Variants in MACROD2 observed in about 807,000 individuals in gnomAD.
The protein encoded by MACROD2 is mono-ADP ribosylhydrolase 2.
MACROD2 carries 36 observed loss-of-function variants against 70.4 expected under a neutral mutation model. The ratio of observed to expected loss-of-function variants is 0.51; its 90% CI spans 0.39 to 0.68. The LOEUF is 0.68. MACROD2 is among the 30% of genes least tolerant of loss of function. The pLI is 0.00. For synonymous variants in MACROD2, 172 were observed against 178.8 expected (o/e 0.96, Z 0.30); for missense variants, 496 against 538.4 (o/e 0.92, Z 0.78).
chr20:15,046,387 CTTCCA>C (rs1267932345), intron 5 of MACROD2, among the ~76,000 whole-genome samples: 1 of 152,172 alleles, frequency 6.6e-6, no homozygotes, highest in Non-Finnish European at 1.5e-5. Context: ...CGCACATGTT[CTTCCA>C]TTACCGCAGA....
chr20:14,738,208 TA>T (rs1327928341), intron 5 of MACROD2, among the ~76,000 whole-genome samples: 1 of 152,082 alleles, frequency 6.6e-6, no homozygotes, highest in East Asian at 1.9e-4. Flanking sequence ...CAAACATTTA[TA>T]AAAGGCAAAA....
intron 5 of MACROD2, among the ~76,000 whole-genome samples, chr20:14,753,219 A>G (rs1399173439): frequency 6.6e-6 from 1 of 152,072 alleles, no homozygotes; most frequent in East Asian, 1.9e-4. Flanking sequence ...CACCATATAT[A>G]TCTTCTTTGC....
intron 7 of MACROD2, among the ~76,000 whole-genome samples, chr20:15,443,850 A>G (rs2046527182): frequency 6.6e-6 from 1 of 152,172 alleles, no homozygotes. Context: ...TACTGAGTCT[A>G]TGACACCCTG....
chr20:14,025,236 G>T (rs546204960), intron 2 of MACROD2, among the ~76,000 whole-genome samples: 2 of 152,022 alleles, frequency 1.3e-5, no homozygotes, highest in East Asian at 3.9e-4. Flanking sequence ...CATTTTTATT[G>T]TCTGTTTGAT....
chr20:14,917,444 A>G (rs528753836), intron 5 of MACROD2, among the ~76,000 whole-genome samples: 10 of 152,118 alleles, frequency 6.6e-5, no homozygotes, highest in African/African-American at 2.4e-4. Context: ...GGCATCCCCT[A>G]TGAAGCAATG....
intron 3 of MACROD2, among the ~76,000 whole-genome samples, chr20:14,460,198 G>T (rs543152281): frequency 6.6e-6 from 1 of 152,214 alleles, no homozygotes; most frequent in East Asian, 1.9e-4. Flanking sequence ...GTGTGCATGT[G>T]TCTTTATAGT....
chr20:15,623,712 C>CTATG (rs1467155228), intron 8 of MACROD2, among the ~76,000 whole-genome samples: 1 of 151,948 alleles, frequency 6.6e-6, no homozygotes, highest in Non-Finnish European at 1.5e-5. Flanking sequence ...ATCTATCTAT[C>CTATG]TATCTATCGA....
At chr20:14,281,206 A>G (rs1332521775) in intron 3 of MACROD2, among the ~76,000 whole-genome samples, 4 of 152,228 alleles carry the variant, frequency 2.6e-5, no homozygotes, top group African/African-American at 7.2e-5. Flanking sequence ...GATAAATCAA[A>G]TGCAATATAT....
At chr20:14,474,548 T>C (rs375581143) in intron 3 of MACROD2, among the ~76,000 whole-genome samples, 1 of 152,244 alleles carries the variant, frequency 6.6e-6, no homozygotes, top group Non-Finnish European at 1.5e-5. Context: ...GATGGATCTG[T>C]CCATCACTGA....
chr20:14,301,028 T>A (rs12106261), intron 3 of MACROD2, among the ~76,000 whole-genome samples: 3 of 152,238 alleles, frequency 2.0e-5, no homozygotes, highest in African/African-American at 7.2e-5. Context: ...ACTTTTTACC[T>A]ATTAATGTAG....
intron 8 of MACROD2, among the ~76,000 whole-genome samples, chr20:15,776,500 G>T (rs868591354): frequency 6.6e-6 from 1 of 152,144 alleles, no homozygotes; most frequent in Non-Finnish European, 1.5e-5. Context: ...GCTTCTTCCA[G>T]TTGTGGATCC....
intron 6 of MACROD2, among the ~76,000 whole-genome samples, chr20:15,278,272 G>T (rs1815223569): frequency 6.6e-6 from 1 of 152,224 alleles, no homozygotes; most frequent in African/African-American, 2.4e-5. Flanking sequence ...AGTAAAGGAA[G>T]AGGAATCCTC....
chr20:14,249,930 C>T (rs1330375339), intron 3 of MACROD2, among the ~76,000 whole-genome samples: 1 of 152,056 alleles, frequency 6.6e-6, no homozygotes, highest in Non-Finnish European at 1.5e-5. Context: ...ATAAAATGTT[C>T]ATCAACCAAA....
chr20:15,135,387 CTG>C (rs2076138774), intron 5 of MACROD2, among the ~76,000 whole-genome samples: 1 of 151,666 alleles, frequency 6.6e-6, no homozygotes, highest in South Asian at 2.1e-4. Context: ...GGCTTCATCC[CTG>C]GGATGCAAGG....
intron 5 of MACROD2, among the ~76,000 whole-genome samples, chr20:15,194,245 CAAAAA>C (rs71190180): frequency 3.4e-3 from 169 of 49,826 alleles, no homozygotes; most frequent in Non-Finnish European, 4.8e-3. Context: ...CACTCTGTCT[CAAAAA>C]AAAAAAAAAA....
chr20:14,663,464 T>C (rs965491690), intron 4 of MACROD2, among the ~76,000 whole-genome samples: 2 of 151,558 alleles, frequency 1.3e-5, no homozygotes, highest in African/African-American at 4.8e-5. Flanking sequence ...CCTGCACATG[T>C]ACCCCTGAAC....
At chr20:14,951,301 G>C (rs1406128422) in intron 5 of MACROD2, among the ~76,000 whole-genome samples, 1 of 152,016 alleles carries the variant, frequency 6.6e-6, no homozygotes, top group South Asian at 2.1e-4. Context: ...TAGGTAACTG[G>C]CCATGGATGT....
intron 5 of MACROD2, among the ~76,000 whole-genome samples, chr20:15,163,621 A>G (rs1000895036): frequency 6.6e-6 from 1 of 152,110 alleles, no homozygotes; most frequent in Non-Finnish European, 1.5e-5. Context: ...TAGGCCAAGG[A>G]TCAGCAAATT....
intron 5 of MACROD2, among the ~76,000 whole-genome samples, chr20:15,187,316 C>A (rs1394511131): frequency 6.6e-6 from 1 of 152,074 alleles, no homozygotes; most frequent in Non-Finnish European, 1.5e-5. Context: ...TTACATCAAA[C>A]TCAATAATTT....
Sources: gnomAD v4.1 joint callset for allele counts (sites outside exome capture counted in the v4.1 genomes callset) on GRCh38, gnomAD v4.1.1 for gene constraint, MANE v1.5 for transcripts, NCBI Gene and HGNC (gene_info 2026-07-23, HGNC 2026-07-21) for gene names.